The following HNF4A variants were observed in gnomAD, a reference collection of about 807,000 sequenced individuals.
The protein encoded by HNF4A is hepatocyte nuclear factor 4-alpha.
In HNF4A, 15 loss-of-function variants were observed where a neutral mutation model predicts 52.4. The ratio of observed to expected loss-of-function variants is 0.29; its 90% CI spans 0.19 to 0.44. The LOEUF (loss-of-function observed/expected upper bound fraction) is 0.44, where lower values mean the gene tolerates loss of function less well. Among genes scored for constraint, HNF4A ranks in the 20% least tolerant of loss-of-function variants. The probability of loss-of-function intolerance (pLI) is 1.00; values close to 1 mark genes in which losing one functional copy is unlikely to be tolerated. For missense variants in HNF4A, 479 were observed against 647.2 expected, an observed-to-expected ratio of 0.74 and a Z score of 2.82; for synonymous variants, 280 against 264.4, an observed-to-expected ratio of 1.06 and a Z score of -0.57.
At chr20:44,412,700 G>A (rs1535337) in intron 3 of HNF4A, among the ~76,000 whole-genome samples, 28,502 of 152,098 alleles carry the variant, frequency 0.19, 2,822 homozygotes, top group African/African-American at 0.21. Context: ...GAGAGACAGC[G>A]GGCCTGGGAG....
intron 3 of HNF4A, 108 bp downstream of exon 3, chr20:44,407,583 C>G: frequency 1.2e-6 from 1 of 800,066 alleles, no homozygotes; most frequent in Non-Finnish European, 2.1e-6. Context: ...TGGCAGGCCC[C>G]AGGGTGACTG....
At chr20:44,389,888 C>G (rs1282506189) in intron 1 of HNF4A, 1 of 152,394 alleles carries the variant, frequency 6.6e-6, no homozygotes, top group Non-Finnish European at 1.5e-5. Context: ...CGACAGCTCT[C>G]TGCTTGAGAC....
intron 1 of HNF4A, among the ~76,000 whole-genome samples, chr20:44,360,939 G>A (rs1481377624): frequency 6.6e-6 from 1 of 152,182 alleles, no homozygotes; most frequent in Non-Finnish European, 1.5e-5. Context: ...AAGAGAAAAG[G>A]TAATAGAAGC....
At chr20:44,387,032 G>A (rs188299059) in intron 1 of HNF4A, among the ~76,000 whole-genome samples, 3 of 152,140 alleles carry the variant, frequency 2.0e-5, no homozygotes, top group East Asian at 1.9e-4. Flanking sequence ...GCCAGGTGTG[G>A]TGGCTCATGC....
At chr20:44,397,003 A>T (rs2063358991), upstream of HNF4A, among the ~76,000 whole-genome samples, 2 of 152,210 alleles carry the variant, frequency 1.3e-5, no homozygotes, top group South Asian at 4.1e-4. Context: ...CTTGTACAGA[A>T]GGAGTAACCA....
At chr20:44,378,261 T>C (rs1317925083) in intron 1 of HNF4A, among the ~76,000 whole-genome samples, 1 of 150,554 alleles carries the variant, frequency 6.6e-6, no homozygotes, top group Non-Finnish European at 1.5e-5. Flanking sequence ...GAAACATCTT[T>C]TATGCATGTA....
rs994539327 is a variant in HNF4A, at chr20:44,416,454, G to A, written c.648+1792G>A. 2.6e-5 allele frequency among the ~76,000 whole-genome samples: 4 copies of A among 152,240 alleles called. No individual in the cohort carries two copies. In the South Asian group the frequency reaches 6.2e-4, roughly 24 times the overall value. On this transcript the variant is annotated intron_variant, in intron 5 of 9. Transcript: ENST00000316099. Reference sequence around the variant, plus strand: ...ACTGGGATTCAAATCCAGGTCTTCCGCTTCGCGATGTGAAGGCCACTGGAG... The same window carrying A: ...ACTGGGATTCAAATCCAGGTCTTCCACTTCGCGATGTGAAGGCCACTGGAG...
rs1189631203 is a variant in HNF4A at position 44,428,387 on chromosome 20, G to A, written c.1182G>A (p.Met394Ile). Residue 394 changes from methionine (M) to isoleucine (I), a missense_variant, in exon 9 of 10, where the codon ATG (methionine) becomes ATA (isoleucine). Met to Ile is a conservative substitution (Grantham distance 10). Transcript: ENST00000316099. ...ACCACCCCCTGCACCCTCACCTGAT[G>A]CAGGAACATATGGGAACCAACGTCA... 1.9e-6 allele frequency: 3 copies of A among 1,614,150 alleles called. No individual in the cohort carries two copies. In the South Asian group the frequency reaches 3.3e-5, roughly 18 times the overall value.
At chr20:44,364,588 G>C (rs1286954269) in intron 1 of HNF4A, among the ~76,000 whole-genome samples, 1 of 151,904 alleles carries the variant, frequency 6.6e-6, no homozygotes, top group Non-Finnish European at 1.5e-5. Flanking sequence ...CTCTGCCTCA[G>C]CTTCCTGAGT....
intron 8 of HNF4A, among the ~76,000 whole-genome samples, chr20:44,427,424 T>G (rs187741329): frequency 1.6e-4 from 25 of 152,328 alleles, no homozygotes; most frequent in African/African-American, 6.0e-4. Flanking sequence ...ACATGGGAAG[T>G]GCTATACAAC....
At chr20:44,403,008 G>A (rs1190000720) in intron 1 of HNF4A, among the ~76,000 whole-genome samples, 7 of 152,176 alleles carry the variant, frequency 4.6e-5, no homozygotes, top group African/African-American at 1.4e-4. Flanking sequence ...TGGCTGGACG[G>A]CTTTTAGGCC....
intron 1 of HNF4A, among the ~76,000 whole-genome samples, chr20:44,362,197 A>G (rs1049442884): frequency 2.6e-5 from 4 of 152,008 alleles, no homozygotes; most frequent in Non-Finnish European, 5.9e-5. Context: ...AGGCGGGTGG[A>G]TCACTTGAGG....
upstream of HNF4A, among the ~76,000 whole-genome samples, chr20:44,400,556 G>T (rs941929760): frequency 6.6e-6 from 1 of 152,162 alleles, no homozygotes; most frequent in Non-Finnish European, 1.5e-5. Context: ...TCCGGGAGGG[G>T]GTGGGGGTGA....
upstream of HNF4A, among the ~76,000 whole-genome samples, chr20:44,398,090 A>G (rs547544864): frequency 5.3e-5 from 8 of 152,342 alleles, no homozygotes; most frequent in East Asian, 1.9e-4. Context: ...TGGTACCCCA[A>G]TGAAAACATT....
chr20:44,414,224 C>T (rs2063627950), intron 4 of HNF4A, among the ~76,000 whole-genome samples: 1 of 152,136 alleles, frequency 6.6e-6, no homozygotes, highest in Non-Finnish European at 1.5e-5. Flanking sequence ...TGATTTTTTG[C>T]CCTGCTTCTC....
Position 44,429,953 on chromosome 20 carries a change from C to G in HNF4A, c.*288C>G. 1 of 443,330 alleles carries G rather than the reference C, an allele frequency of 2.3e-6. No homozygotes were observed. Among genetic ancestry groups the G allele is most frequent in the Non-Finnish European group, 4.1e-6 (1 of 245,408 alleles). The allele number at this position is 443,330 out of a possible 1,614,324, so 27.5% of individuals were successfully genotyped here. Reference sequence around the variant, plus strand: ...CACCTTCACCTTCATCCATGTCCAACCCCCGACTTCATCCCAAAGGACAGC... The same window carrying G: ...CACCTTCACCTTCATCCATGTCCAAGCCCCGACTTCATCCCAAAGGACAGC... On this transcript the variant is annotated 3_prime_UTR_variant, in exon 10 of 10. Transcript: ENST00000316099.
chr20:44,386,045 C>G (rs1330794130), intron 1 of HNF4A, among the ~76,000 whole-genome samples: 1 of 149,774 alleles, frequency 6.7e-6, no homozygotes, highest in Non-Finnish European at 1.5e-5. Context: ...TTAATAGAGA[C>G]AGGGTTTCAC....
Position 44,407,454 on chromosome 20 carries a change from C to A in HNF4A, c.364C>A (p.Arg122=). The change falls in exon 3 of 10, where the codon CGG becomes AGG. Residue 122 remains arginine, a synonymous_variant. Coordinates refer to ENST00000316099, the MANE Select transcript of HNF4A (RefSeq NM_000457.6). Reference sequence around the variant, plus strand: ...CTACTGCAGGCTCAAGAAATGCTTCCGGGCTGGCATGAAGAAGGAAGGTGA... The same window carrying A: ...CTACTGCAGGCTCAAGAAATGCTTCAGGGCTGGCATGAAGAAGGAAGGTGA... 6.2e-7 allele frequency: 1 copy of A among 1,604,758 alleles called. No homozygotes were observed. Among genetic ancestry groups the A allele is most frequent in the East Asian group, 2.2e-5 (1 of 44,538 alleles).
At chr20:44,426,117 G>A (rs1445565338) in intron 8 of HNF4A, among the ~76,000 whole-genome samples, 3 of 152,194 alleles carry the variant, frequency 2.0e-5, no homozygotes, top group Non-Finnish European at 4.4e-5. Context: ...AAGAAGACTG[G>A]CCAGAGGGGT....
Sources: gnomAD v4.1 joint callset for allele counts (sites outside exome capture counted in the v4.1 genomes callset) on GRCh38, gnomAD v4.1.1 for gene constraint, MANE v1.5 for transcripts, NCBI Gene and HGNC (gene_info 2026-07-23, HGNC 2026-07-21) for gene names.